Variants in FAN1 observed in about 807,000 individuals in gnomAD.
The protein encoded by FAN1 is fanconi-associated nuclease 1.
A neutral mutation model predicts 104.9 loss-of-function variants in FAN1; 91 were observed. The observed-to-expected ratio is 0.87, with a 90% confidence interval of 0.73 to 1.03. FAN1 has a LOEUF of 1.03. Among genes scored for constraint, FAN1 ranks in the 50% least tolerant of loss-of-function variants. The pLI, the probability that FAN1 is intolerant of heterozygous loss-of-function variation, is 0.00. For synonymous variants in FAN1, 478 were observed against 457.6 expected, an observed-to-expected ratio of 1.04 and a Z score of -0.57; for missense variants, 1,263 against 1,239.9, an observed-to-expected ratio of 1.02 and a Z score of -0.28.
intron 7 of FAN1, among the ~76,000 whole-genome samples, chr15:30,920,966 T>G (rs1368390190): frequency 6.6e-6 from 1 of 152,154 alleles, no homozygotes; most frequent in Non-Finnish European, 1.5e-5. Context: ...GTATTTTTAG[T>G]AGAGGTGAGA....
In FAN1 at chr15:30,913,899, G is replaced by A; in HGVS notation, c.1619G>A (p.Gly540Asp). 1 of 1,614,094 alleles carries A rather than the reference G, an allele frequency of 6.2e-7. No homozygotes were observed. The highest frequency in any genetic ancestry group is 8.5e-7 in the Non-Finnish European group (1 of 1,180,010). ...LAGQSVRICK[G>D]PRAVFSRILL... The stretch of plus-strand genomic sequence containing the variant: ...GGACAGTCAGTACGAATCTGTAAAG[G>A]CCCCAGGGCTGTGTTTTCCCGCATC... Residue 540 changes from glycine (G) to aspartate (D), a missense_variant, in exon 5 of 15, where the codon GGC becomes GAC. Gly to Asp is a moderately conservative substitution (Grantham distance 94, BLOSUM62 -1). This residue lies in a region of FAN1 where 581 missense variants were observed against 668.8 expected (regional missense o/e 0.87). Coordinates refer to ENST00000362065, the MANE Select transcript of FAN1 (RefSeq NM_014967.5).
At chr15:30,910,894 A>G in intron 4 of FAN1, 79 bp downstream of exon 4, 1 of 1,478,870 alleles carries the variant, frequency 6.8e-7, no homozygotes, top group Non-Finnish European at 9.0e-7. Context: ...TGTATACTTG[A>G]TTGAACTGTA....
intron 6 of FAN1, 24 bp from the exon 7 acceptor site, chr15:30,920,521 T>C: frequency 7.1e-7 from 1 of 1,416,756 alleles, no homozygotes; most frequent in Non-Finnish European, 9.9e-7. Context: ...ATTATTAAAC[T>C]ACTGGTATAT....
Position 30,942,668 on chromosome 15 carries a change from G to T in FAN1, c.*1106G>T. 1 of 500,638 alleles carries T rather than the reference G, an allele frequency of 2.0e-6. No individual in the cohort carries two copies. Among genetic ancestry groups the T allele is most frequent in the East Asian group, 3.2e-5 (1 of 31,638 alleles). The allele number at this position is 500,638 out of a possible 1,614,324, so 31.0% of individuals were successfully genotyped here. On this transcript the variant is annotated 3_prime_UTR_variant, in exon 15 of 15. Transcript: ENST00000362065. Reference sequence around the variant, plus strand: ...AGTAAATCAGGCTTGCAGGCTCAAAGCTGCAATCTGCCCACTCTCAGGTAC... The same window carrying T: ...AGTAAATCAGGCTTGCAGGCTCAAATCTGCAATCTGCCCACTCTCAGGTAC...
intron 4 of FAN1, among the ~76,000 whole-genome samples, chr15:30,912,689 G>A (rs1295136063): frequency 6.6e-6 from 1 of 152,188 alleles, no homozygotes; most frequent in African/African-American, 2.4e-5. Flanking sequence ...TAGCCAAGTG[G>A]TTCTCAACTG....
At chr15:30,924,512 A>C (rs2062410710) in intron 8 of FAN1, among the ~76,000 whole-genome samples, 1 of 152,036 alleles carries the variant, frequency 6.6e-6, no homozygotes, top group Non-Finnish European at 1.5e-5. Flanking sequence ...CATGTTTCTG[A>C]TTATAGCCAT....
At position 30,937,144 on chromosome 15, in the gene FAN1, ATCGTCTT is replaced by A; in HGVS notation, c.2945_2951del (p.Arg982HisfsTer5). On this transcript the variant is annotated frameshift_variant, in exon 14 of 15. Transcript: ENST00000362065. LOFTEE classifies it high-confidence loss of function. ...CTGGTGGAAGTTAAAGGCCCCAATGATCGTCTTTCACATAAGCAGATGATCTGGCTGG... is the reference window on the plus strand; with the variant it reads ...CTGGTGGAAGTTAAAGGCCCCAATGATCACATAAGCAGATGATCTGGCTGG... 1 of 1,613,534 alleles carries A rather than the reference ATCGTCTT, an allele frequency of 6.2e-7. No individual in the cohort carries two copies. The highest frequency in any genetic ancestry group is 8.5e-7 in the Non-Finnish European group (1 of 1,179,842).
At chr15:30,925,717 G>T in intron 9 of FAN1, 72 bp from the exon 10 acceptor site, 2 of 1,549,334 alleles carry the variant, frequency 1.3e-6, no homozygotes, top group Non-Finnish European at 1.8e-6. Flanking sequence ...CAATCCTCAC[G>T]ATGCTACAGG....
At chr15:30,917,720 T>C (rs1388530350) in intron 5 of FAN1, among the ~76,000 whole-genome samples, 1 of 152,186 alleles carries the variant, frequency 6.6e-6, no homozygotes, top group East Asian at 1.9e-4. Context: ...TTTTGAAATA[T>C]TCCAGGTAAT....
chr15:30,928,719 C>T, intron 11 of FAN1, 63 bp downstream of exon 11: 4 of 1,608,162 alleles, frequency 2.5e-6, no homozygotes, highest in Non-Finnish European at 3.4e-6. Flanking sequence ...TCACGCCCAC[C>T]TGGGCACCGT....
intron 6 of FAN1, among the ~76,000 whole-genome samples, chr15:30,920,082 A>G (rs2062289575): frequency 6.6e-6 from 1 of 152,258 alleles, no homozygotes; most frequent in Admixed American, 6.5e-5. Flanking sequence ...CTGCTGTTTT[A>G]GTGCAAAAGC....
Position 30,942,374 on chromosome 15 carries a change from G to A in FAN1, c.*812G>A, listed in dbSNP as rs2063084365. ...ACGGGCTAGAAAAAACACTAGACCTGGCCGATTCTATCAAGAACAATGGCA... is the reference window on the plus strand; with the variant it reads ...ACGGGCTAGAAAAAACACTAGACCTAGCCGATTCTATCAAGAACAATGGCA... On this transcript the variant is annotated 3_prime_UTR_variant, in exon 15 of 15. Coordinates refer to ENST00000362065, the MANE Select transcript of FAN1 (RefSeq NM_014967.5). The A allele has an allele frequency of 2.3e-6, 1 of 440,360 alleles. No homozygotes were observed. Among genetic ancestry groups the A allele is most frequent in the Non-Finnish European group, 4.0e-6 (1 of 248,334 alleles). The allele number at this position is 440,360 out of a possible 1,614,324, so 27.3% of individuals were successfully genotyped here. A position where few individuals can be genotyped will look rare whatever the true frequency, so the allele number is the denominator to read the frequency against.
At chr15:30,921,512 A>AAT (rs1394164756) in intron 7 of FAN1, among the ~76,000 whole-genome samples, 4 of 152,194 alleles carry the variant, frequency 2.6e-5, no homozygotes, top group South Asian at 2.1e-4. Context: ...CATGGTCAAA[A>AAT]ATATATATAT....
Position 30,910,804 on chromosome 15 carries a change from G to T in FAN1, c.1566G>T (p.Val522=). 1 of 1,613,242 alleles carries T rather than the reference G, an allele frequency of 6.2e-7. No individual in the cohort carries two copies. Among genetic ancestry groups the T allele is most frequent in the Non-Finnish European group, 8.5e-7 (1 of 1,179,628 alleles). ...WGKNKPGIGA[V]ILKRAKALAG... Reference sequence around the variant, plus strand: ...AGAATAAGCCTGGAATTGGTGCAGTGATTTTAAAAAGGTTTTGTTGGCTAT... The same window carrying T: ...AGAATAAGCCTGGAATTGGTGCAGTTATTTTAAAAAGGTTTTGTTGGCTAT... Residue 522 remains valine (V), a synonymous_variant, in exon 4 of 15, where the codon GTG becomes GTT. Coordinates refer to ENST00000362065, the MANE Select transcript of FAN1 (RefSeq NM_014967.5).
At chr15:30,929,873 A>G (rs1267335534) in intron 12 of FAN1, among the ~76,000 whole-genome samples, 1 of 93,458 alleles carries the variant, frequency 1.1e-5, no homozygotes, top group Non-Finnish European at 1.9e-5. Context: ...ATATATATAA[A>G]ATATATAATA....
In FAN1 at chr15:30,904,580, A is replaced by G. The variant is rs2061926850; in HGVS notation, c.-84A>G. 1.4e-6 allele frequency: 2 copies of G among 1,385,228 alleles called. No homozygotes were observed. The highest frequency in any genetic ancestry group is 2.8e-5 in the African/African-American group (2 of 70,476). The allele number at this position is 1,385,228 out of a possible 1,614,324, so 85.8% of individuals were successfully genotyped here. A position where few individuals can be genotyped will look rare whatever the true frequency, so the allele number is the denominator to read the frequency against. On this transcript the variant is annotated 5_prime_UTR_variant, in exon 2 of 15. Transcript: ENST00000362065. ...TCCCACTTTTGGTGATTTCAAGTCA[A>G]GAAAGTAAAAGTAAACCATTGCTAT...
intron 2 of FAN1, among the ~76,000 whole-genome samples, chr15:30,907,714 A>G (rs2062014142): frequency 6.6e-6 from 1 of 152,228 alleles, no homozygotes; most frequent in South Asian, 2.1e-4. Flanking sequence ...ATTGAGACCA[A>G]ACAGGTTAAT....
intron 8 of FAN1, among the ~76,000 whole-genome samples, chr15:30,924,924 C>A (rs551015192): frequency 9.8e-5 from 15 of 152,336 alleles, no homozygotes; most frequent in African/African-American, 3.6e-4. Flanking sequence ...AGCACGTTGA[C>A]TGTGAAGGCT....
At chr15:30,937,294 G>A (rs1465896885) in intron 14 of FAN1, 35 bp downstream of exon 14, 36 of 1,576,546 alleles carry the variant, frequency 2.3e-5, no homozygotes, top group Non-Finnish European at 3.0e-5. Flanking sequence ...ATACATTAAT[G>A]TAAGATTTTC....
Sources: gnomAD v4.1 joint callset for allele counts (sites outside exome capture counted in the v4.1 genomes callset) on GRCh38, gnomAD v4.1.1 for gene constraint, gnomAD v4.1.1 regional missense constraint, MANE v1.5 for transcripts, NCBI Gene and HGNC (gene_info 2026-07-23, HGNC 2026-07-21) for gene names.